Variants in ADAMTS17 observed in about 807,000 individuals in gnomAD.
ADAMTS17 encodes the protein A disintegrin and metalloproteinase with thrombospondin motifs 17.
ADAMTS17 carries 113 observed loss-of-function variants against 141.5 expected under a neutral mutation model. The ratio of observed to expected loss-of-function variants is 0.80; its 90% CI spans 0.69 to 0.93. ADAMTS17 has a LOEUF of 0.93. ADAMTS17 is among the 40% of genes least tolerant of loss of function. The probability of loss-of-function intolerance (pLI) is 0.00; values close to 1 mark genes in which losing one functional copy is unlikely to be tolerated. For missense variants in ADAMTS17, 1,659 were observed against 1,517.9 expected (o/e 1.09, Z -1.54); for synonymous variants, 768 against 630.6 (o/e 1.22, Z -3.27).
In ADAMTS17 at chr15:100,298,321, CCA is replaced by C. The variant is rs1444417964; in HGVS notation, c.617-16922_617-16921del. Among the ~76,000 whole-genome samples, 5 of 152,122 alleles carry C rather than the reference CCA, an allele frequency of 3.3e-5. No homozygotes were observed. The East Asian group carries it at 9.6e-4, about 29-fold the overall frequency. On this transcript the variant is annotated intron_variant, in intron 3 of 21. Coordinates refer to ENST00000268070, the MANE Select transcript of ADAMTS17 (RefSeq NM_139057.4). ...CCAGCCACATTTGAGGATGTCAGCTCCAGACTCCCAGCCAGGAAGAACGAGGC... is the reference window on the plus strand; with the variant it reads ...CCAGCCACATTTGAGGATGTCAGCTCGACTCCCAGCCAGGAAGAACGAGGC...
At chr15:100,056,021 A>C (rs904176459) in intron 15 of ADAMTS17, among the ~76,000 whole-genome samples, 5 of 152,218 alleles carry the variant, frequency 3.3e-5, no homozygotes, top group African/African-American at 1.2e-4. Flanking sequence ...TCTAGATTTT[A>C]TGACTAATGC....
intron 7 of ADAMTS17, among the ~76,000 whole-genome samples, chr15:100,206,787 C>G (rs932215128): frequency 6.6e-6 from 1 of 152,164 alleles, no homozygotes; most frequent in Non-Finnish European, 1.5e-5. Context: ...GATTCAAATG[C>G]GACCTGGAAG....
intron 15 of ADAMTS17, among the ~76,000 whole-genome samples, chr15:100,057,541 G>A (rs930220851): frequency 1.1e-4 from 16 of 152,198 alleles, no homozygotes; most frequent in Middle Eastern, 3.4e-3. Flanking sequence ...CCCCAGGCTC[G>A]TCCCTGGTTT....
At chr15:100,191,510 G>A (rs1263725010) in intron 8 of ADAMTS17, among the ~76,000 whole-genome samples, 1 of 152,258 alleles carries the variant, frequency 6.6e-6, no homozygotes, top group Admixed American at 6.5e-5. Context: ...CTTTGGAACA[G>A]AGGCTCTGGG....
chr15:100,230,813 A>G (rs1030515588), intron 7 of ADAMTS17, among the ~76,000 whole-genome samples: 1 of 145,388 alleles, frequency 6.9e-6, no homozygotes, highest in African/African-American at 2.5e-5. Flanking sequence ...CTAGCTTCGG[A>G]AACATGTCCA....
chr15:100,239,882 C>T (rs1020423984), intron 7 of ADAMTS17, among the ~76,000 whole-genome samples: 4 of 152,250 alleles, frequency 2.6e-5, no homozygotes, highest in Admixed American at 6.5e-5. Context: ...ATGTGCGCCA[C>T]GCCCCACCTT....
At chr15:100,012,121 A>T (rs562264403) in intron 18 of ADAMTS17, among the ~76,000 whole-genome samples, 35 of 152,164 alleles carry the variant, frequency 2.3e-4, no homozygotes, top group Non-Finnish European at 3.7e-4. Context: ...TGTGGTTTTG[A>T]TTTGCATTTC....
At chr15:100,262,794 AAAAC>A (rs2043573366) in intron 4 of ADAMTS17, among the ~76,000 whole-genome samples, 1 of 151,766 alleles carries the variant, frequency 6.6e-6, no homozygotes, top group Non-Finnish European at 1.5e-5. Context: ...AAAAAAAAAA[AAAAC>A]AAAAAACCTA....
At chr15:100,017,826 C>A (rs772179499) in intron 18 of ADAMTS17, among the ~76,000 whole-genome samples, 1 of 152,162 alleles carries the variant, frequency 6.6e-6, no homozygotes, top group Non-Finnish European at 1.5e-5. Context: ...ATCACACAGA[C>A]TTCCTATTAT....
intron 8 of ADAMTS17, among the ~76,000 whole-genome samples, chr15:100,162,820 T>G (rs1236202909): frequency 7.1e-6 from 1 of 141,616 alleles, no homozygotes; most frequent in African/African-American, 2.5e-5. Context: ...CACATACACA[T>G]TATATATATG....
In ADAMTS17 at chr15:100,223,755, TAC is replaced by T. The variant is rs759843790; in HGVS notation, c.1076-24334_1076-24333del. Among the ~76,000 whole-genome samples the T allele has an allele frequency of 1.9e-3, 292 of 151,340 alleles. 1 individual carries two copies. Among genetic ancestry groups the T allele is most frequent in the Middle Eastern group, 6.8e-3 (2 of 292 alleles). ...ATACACATGTATGTGTATATATATA[TAC>T]ACACACACATATATATATCCTGGGT... is the stretch of plus-strand genomic sequence containing the variant. On this transcript the variant is annotated intron_variant, in intron 7 of 21. Transcript: ENST00000268070.
At position 100,053,952 on chromosome 15, in the gene ADAMTS17, C is replaced by A. The variant is rs751191391; in HGVS notation, c.2240G>T (p.Gly747Val). The A allele has an allele frequency of 1.2e-6, 2 of 1,614,084 alleles. No individual in the cohort carries two copies. The highest frequency in any genetic ancestry group is 1.7e-6 in the Non-Finnish European group (2 of 1,180,052). ...CTTGGCAGAGATCTTCTCCCACAGCCCCCTTCTCACATAGCGAACAGTTGT... is the reference window on the plus strand; with the variant it reads ...CTTGGCAGAGATCTTCTCCCACAGCACCCTTCTCACATAGCGAACAGTTGT... ...AGTTVRYVRR[G>V]LWEKISAKGP... Residue 747 changes from glycine (G) to valine (V), a missense_variant, in exon 16 of 22, where the codon GGG (glycine) becomes GTG (valine). Coordinates refer to ENST00000268070, the MANE Select transcript of ADAMTS17 (RefSeq NM_139057.4).
At chr15:100,033,230 A>G (rs1029169217) in intron 18 of ADAMTS17, among the ~76,000 whole-genome samples, 6 of 152,168 alleles carry the variant, frequency 3.9e-5, no homozygotes, top group African/African-American at 9.7e-5. Flanking sequence ...TTCTGTTGGT[A>G]CAATCTTGAG....
chr15:100,219,063 A>G (rs4965596), intron 7 of ADAMTS17, among the ~76,000 whole-genome samples: 49,595 of 152,064 alleles, frequency 0.33, 8,480 homozygotes, highest in East Asian at 0.44. Flanking sequence ...ACCCCTGAAA[A>G]CATTATGCCA....
chr15:100,291,777 G>A (rs549064403), intron 3 of ADAMTS17, among the ~76,000 whole-genome samples: 1 of 152,206 alleles, frequency 6.6e-6, no homozygotes, highest in East Asian at 1.9e-4. Flanking sequence ...TTTATAAGTG[G>A]GAGTTAAACA....
Position 100,169,140 on chromosome 15 carries a change from G to A in ADAMTS17, c.1182-13820C>T, listed in dbSNP as rs527736635. The stretch of plus-strand genomic sequence containing the variant: ...TGCTACTCATTCAGGTCAGAGCCTC[G>A]GGAAGCCCAAGGCATTCAGAGAACC... On this transcript the variant is annotated intron_variant, in intron 8 of 21. Transcript: ENST00000268070. Among the ~76,000 whole-genome samples, 5 of 152,266 alleles carry A rather than the reference G, an allele frequency of 3.3e-5. No individual in the cohort carries two copies. In the East Asian group the frequency reaches 7.7e-4, roughly 24 times the overall value.
At chr15:100,251,876 G>C (rs2043166464) in intron 7 of ADAMTS17, among the ~76,000 whole-genome samples, 1 of 152,232 alleles carries the variant, frequency 6.6e-6, no homozygotes, top group Non-Finnish European at 1.5e-5. Flanking sequence ...GGACACAGGA[G>C]AAGGCAGCCA....
intron 2 of ADAMTS17, among the ~76,000 whole-genome samples, chr15:100,338,594 T>A (rs1251625291): frequency 6.6e-6 from 1 of 150,958 alleles, no homozygotes; most frequent in East Asian, 2.0e-4. Context: ...AAGCCTAAAC[T>A]ATTTATTTTC....
intron 15 of ADAMTS17, among the ~76,000 whole-genome samples, chr15:100,059,946 G>C (rs975371400): frequency 6.6e-6 from 1 of 152,200 alleles, no homozygotes; most frequent in Non-Finnish European, 1.5e-5. Flanking sequence ...TTGGGCATCA[G>C]TGAGTATCTC....
Sources: gnomAD v4.1 joint callset for allele counts (sites outside exome capture counted in the v4.1 genomes callset) on GRCh38, gnomAD v4.1.1 for gene constraint, MANE v1.5 for transcripts, NCBI Gene and HGNC (gene_info 2026-07-23, HGNC 2026-07-21) for gene names.